Variants in NALF1 observed in about 807,000 individuals in gnomAD.
The protein encoded by NALF1 is family with sequence similarity 155 member A.
In NALF1, 3 loss-of-function variants were observed where a neutral mutation model predicts 48.4. The observed-to-expected ratio is 0.06, with a 90% CI of 0.03 to 0.16. NALF1 has a LOEUF of 0.16. Among genes scored for constraint, NALF1 ranks in the 10% least tolerant of loss-of-function variants. The probability of loss-of-function intolerance (pLI) is 1.00; values close to 1 mark genes in which losing one functional copy is unlikely to be tolerated. For missense variants in NALF1, 526 were observed against 571.5 expected (o/e 0.92, Z 0.81); for synonymous variants, 262 against 245.7 (o/e 1.07, Z -0.62).
chr13:107,613,960 T>C (rs1373522447), intron 1 of NALF1, among the ~76,000 whole-genome samples: 1 of 152,188 alleles, frequency 6.6e-6, no homozygotes, highest in Non-Finnish European at 1.5e-5. Context: ...TAGACACTAT[T>C]GATATTTCTG....
intron 1 of NALF1, among the ~76,000 whole-genome samples, chr13:107,833,946 G>A (rs1280153488): frequency 6.6e-6 from 1 of 151,950 alleles, no homozygotes; most frequent in East Asian, 1.9e-4. Flanking sequence ...CTTTGAGGAA[G>A]AAATTTCAAA....
At chr13:107,193,526 T>C (rs1461413006) in intron 2 of NALF1, among the ~76,000 whole-genome samples, 1 of 152,146 alleles carries the variant, frequency 6.6e-6, no homozygotes, top group East Asian at 1.9e-4. Flanking sequence ...TTTTGTTTAA[T>C]TACCCCTTCT....
At chr13:107,792,055 T>A (rs1878259429) in intron 1 of NALF1, among the ~76,000 whole-genome samples, 1 of 152,190 alleles carries the variant, frequency 6.6e-6, no homozygotes, top group African/African-American at 2.4e-5. Context: ...AATATGCAAA[T>A]GAAACACATA....
intron 1 of NALF1, among the ~76,000 whole-genome samples, chr13:107,733,457 A>C (rs551730683): frequency 6.6e-6 from 1 of 152,320 alleles, no homozygotes; most frequent in African/African-American, 2.4e-5. Context: ...TTCTATAGGC[A>C]GTGACAGAAT....
At chr13:107,201,162 A>ATCTG (rs541355416) in intron 2 of NALF1, among the ~76,000 whole-genome samples, 4 of 138,534 alleles carry the variant, frequency 2.9e-5, no homozygotes, top group Admixed American at 2.1e-4. Context: ...CTATCTATCT[A>ATCTG]TCTATCATCT....
chr13:107,464,315 G>T (rs1433279917), intron 1 of NALF1, among the ~76,000 whole-genome samples: 1 of 152,120 alleles, frequency 6.6e-6, no homozygotes, highest in Middle Eastern at 3.2e-3. Flanking sequence ...GAAGATGAAT[G>T]AAATTTAAAT....
At chr13:107,537,149 C>T (rs1296226200) in intron 1 of NALF1, among the ~76,000 whole-genome samples, 1 of 152,008 alleles carries the variant, frequency 6.6e-6, no homozygotes, top group East Asian at 1.9e-4. Flanking sequence ...TTAATGGGTG[C>T]AGCACACCAA....
At chr13:107,713,537 C>G (rs1236026947) in intron 1 of NALF1, among the ~76,000 whole-genome samples, 1 of 152,114 alleles carries the variant, frequency 6.6e-6, no homozygotes, top group Non-Finnish European at 1.5e-5. Context: ...GATGAGGTAA[C>G]TGAGGGATAA....
chr13:107,580,516 C>G (rs1406171513), intron 1 of NALF1, among the ~76,000 whole-genome samples: 1 of 152,112 alleles, frequency 6.6e-6, no homozygotes, highest in African/African-American at 2.4e-5. Context: ...CTTCCCACCC[C>G]ACATGCATGA....
At chr13:107,369,525 A>G (rs923009928) in intron 1 of NALF1, among the ~76,000 whole-genome samples, 3 of 152,160 alleles carry the variant, frequency 2.0e-5, no homozygotes, top group Non-Finnish European at 2.9e-5. Context: ...GTATATACTT[A>G]ATAATAAGTT....
intron 1 of NALF1, among the ~76,000 whole-genome samples, chr13:107,304,982 T>C (rs906841461): frequency 1.3e-5 from 2 of 152,160 alleles, no homozygotes; most frequent in Non-Finnish European, 2.9e-5. Context: ...CAAATGAGGT[T>C]TTTCAGTATG....
chr13:107,716,145 A>C (rs1875809904), intron 1 of NALF1, among the ~76,000 whole-genome samples: 3 of 152,168 alleles, frequency 2.0e-5, no homozygotes, highest in Admixed American at 2.0e-4. Flanking sequence ...TGCTTCCATC[A>C]AGGCCATTCA....
chr13:107,343,252 T>G (rs557885143), intron 1 of NALF1, among the ~76,000 whole-genome samples: 2 of 152,248 alleles, frequency 1.3e-5, no homozygotes, highest in South Asian at 4.2e-4. Context: ...AGTGTTAAAA[T>G]TAAACAGCAC....
At chr13:107,296,059 G>A (rs1379962293) in intron 1 of NALF1, among the ~76,000 whole-genome samples, 3 of 152,186 alleles carry the variant, frequency 2.0e-5, no homozygotes, top group Non-Finnish European at 4.4e-5. Context: ...TTAAAAGCAA[G>A]TCATTGCCAA....
chr13:107,624,699 G>T (rs1214159889), intron 1 of NALF1, among the ~76,000 whole-genome samples: 1 of 152,188 alleles, frequency 6.6e-6, no homozygotes, highest in East Asian at 1.9e-4. Flanking sequence ...CTAAAATGTA[G>T]TTTGATTTAT....
In NALF1 at chr13:107,553,667, GTTAA is replaced by G. The variant is rs377229702; in HGVS notation, c.915+312011_915+312014del. Among the ~76,000 whole-genome samples the G allele has an allele frequency of 1.4e-3, 208 of 152,186 alleles. 4 individuals carry two copies. The highest frequency in any genetic ancestry group is 4.6e-3 in the African/African-American group (192 of 41,526). On this transcript the variant is annotated intron_variant, in intron 1 of 2. Coordinates refer to ENST00000375915, the MANE Select transcript of NALF1 (RefSeq NM_001080396.3). ...AATATTCATTTGGCATTTAAATTAA[GTTAA>G]TTAAGCTTCATTAATTTATAGATAC...
chr13:107,690,733 T>G (rs1169551160), intron 1 of NALF1, among the ~76,000 whole-genome samples: 2 of 152,166 alleles, frequency 1.3e-5, no homozygotes, highest in Non-Finnish European at 2.9e-5. Flanking sequence ...GAATGATGTC[T>G]TAACCAAAGG....
chr13:107,528,573 G>T (rs1281071270), intron 1 of NALF1, among the ~76,000 whole-genome samples: 1 of 152,116 alleles, frequency 6.6e-6, no homozygotes, highest in Non-Finnish European at 1.5e-5. Context: ...AATTTCAAAG[G>T]TGTCAAGCAT....
intron 1 of NALF1, among the ~76,000 whole-genome samples, chr13:107,366,835 G>T (rs763938956): frequency 6.6e-6 from 1 of 152,148 alleles, no homozygotes; most frequent in Non-Finnish European, 1.5e-5. Flanking sequence ...TCCAAGGCAG[G>T]TGTTCACGTT....
Sources: allele counts gnomAD v4.1 joint callset (sites outside exome capture counted in the v4.1 genomes callset), GRCh38; gene constraint gnomAD v4.1.1; transcripts MANE v1.5; gene names NCBI Gene and HGNC (gene_info 2026-07-23, HGNC 2026-07-21).